DPP10: variants seen among roughly 807,000 people sequenced by gnomAD.
DPP10 encodes inactive dipeptidyl peptidase 10.
Under a neutral mutation model 120.9 loss-of-function variants are expected in DPP10, and 33 were observed. The observed-to-expected ratio is 0.27, with a 90% confidence interval of 0.21 to 0.37. DPP10 has a LOEUF of 0.37. DPP10 is among the 10% of genes least tolerant of loss of function. DPP10 has a pLI of 1.00. For synonymous variants in DPP10, 337 were observed against 326.1 expected (o/e 1.03, Z -0.36); for missense variants, 816 against 942.8 (o/e 0.87, Z 1.76).
Position 115,845,519 on chromosome 2 carries a change from TG to T in DPP10, c.*3177del, listed in dbSNP as rs1379098329. The T allele has an allele frequency of 3.9e-5, 6 of 152,156 alleles. No homozygotes were observed. The highest frequency in any genetic ancestry group is 1.4e-4 in the African/African-American group (6 of 41,430). 9.4% of individuals were successfully genotyped at this position (152,156 alleles called of 1,614,324 possible). On this transcript the variant is annotated 3_prime_UTR_variant, in exon 26 of 26. Coordinates refer to ENST00000410059, the MANE Select transcript of DPP10 (RefSeq NM_020868.6). ...TCTACATGGTCCATGGAAGACTCTG[TG>T]GGCCGCAGAAGCCCATAGCTGCATA...
chr2:115,165,860 A>C (rs1289314553), intron 1 of DPP10, among the ~76,000 whole-genome samples: 1 of 152,204 alleles, frequency 6.6e-6, no homozygotes, highest in African/African-American at 2.4e-5. Flanking sequence ...GAGTATGACT[A>C]AAAAGCATAT....
At chr2:115,527,204 C>T (rs539590200) in intron 5 of DPP10, among the ~76,000 whole-genome samples, 1 of 152,036 alleles carries the variant, frequency 6.6e-6, no homozygotes, top group South Asian at 2.1e-4. Context: ...GAAGAGAGAA[C>T]CCAGAAATAG....
At chr2:115,770,012 G>A (rs1428374635) in intron 13 of DPP10, among the ~76,000 whole-genome samples, 1 of 152,068 alleles carries the variant, frequency 6.6e-6, no homozygotes, top group African/African-American at 2.4e-5. Context: ...GTAAGAGATA[G>A]TGAAGGATAG....
intron 5 of DPP10, among the ~76,000 whole-genome samples, chr2:115,577,289 C>T (rs568246000): frequency 2.0e-5 from 3 of 152,212 alleles, no homozygotes; most frequent in Admixed American, 6.5e-5. Context: ...CCATGTATGG[C>T]GATAAAATGA....
intron 21 of DPP10, among the ~76,000 whole-genome samples, chr2:115,820,799 A>ATGTGTGTGTGTGTG (rs869085100): frequency 6.4e-4 from 68 of 105,598 alleles, no homozygotes; most frequent in Middle Eastern, 5.4e-3. Context: ...TCCATGGTGT[A>ATGTGTGTGTGTGTG]TGTGTGTGTG....
chr2:115,064,756 C>A, intron 1 of DPP10: 1 of 1,304,134 alleles, frequency 7.7e-7, no homozygotes, highest in Non-Finnish European at 1.0e-6. Flanking sequence ...GTCCACTTAG[C>A]AATGGTCATC....
intron 1 of DPP10, among the ~76,000 whole-genome samples, chr2:115,268,411 T>A (rs2105794382): frequency 6.6e-6 from 1 of 152,350 alleles, no homozygotes; most frequent in East Asian, 1.9e-4. Context: ...AATGAACGAA[T>A]GTGTCTTCAG....
chr2:114,741,187 T>TA (rs1678025572), intron 1 of DPP10, among the ~76,000 whole-genome samples: 1 of 152,222 alleles, frequency 6.6e-6, no homozygotes, highest in African/African-American at 2.4e-5. Context: ...CCTGCACTCC[T>TA]ACATCTGTCT....
At chr2:114,917,999 C>A (rs1366129363) in intron 1 of DPP10, among the ~76,000 whole-genome samples, 1 of 152,132 alleles carries the variant, frequency 6.6e-6, no homozygotes, top group Non-Finnish European at 1.5e-5. Flanking sequence ...GCAAAAGAAA[C>A]TATCAACAGC....
chr2:114,695,784 C>T (rs1700034512), intron 1 of DPP10, among the ~76,000 whole-genome samples: 1 of 152,016 alleles, frequency 6.6e-6, no homozygotes, highest in African/African-American at 2.4e-5. Flanking sequence ...ATTTAGAGTA[C>T]TTCATTCAAA....
At chr2:115,153,310 A>T (rs1476424831) in intron 1 of DPP10, among the ~76,000 whole-genome samples, 1 of 152,184 alleles carries the variant, frequency 6.6e-6, no homozygotes, top group Non-Finnish European at 1.5e-5. Flanking sequence ...GGGGCTCCCC[A>T]CAGGGCCCAT....
intron 3 of DPP10, among the ~76,000 whole-genome samples, chr2:115,477,966 C>T (rs1453438932): frequency 2.6e-5 from 4 of 152,102 alleles, no homozygotes; most frequent in Non-Finnish European, 4.4e-5. Flanking sequence ...TGGCATCTCA[C>T]ATTGTGAGCA....
intron 5 of DPP10, among the ~76,000 whole-genome samples, chr2:115,657,692 A>C (rs906411338): frequency 9.9e-5 from 15 of 151,896 alleles, no homozygotes; most frequent in African/African-American, 3.6e-4. Context: ...TGAGCAACCT[A>C]AATGCGTGGA....
At chr2:115,362,469 A>G (rs1220307791) in intron 3 of DPP10, among the ~76,000 whole-genome samples, 1 of 152,172 alleles carries the variant, frequency 6.6e-6, no homozygotes, top group African/African-American at 2.4e-5. Context: ...ACTTATATGT[A>G]TAATAGAAAA....
intron 1 of DPP10, among the ~76,000 whole-genome samples, chr2:115,085,770 T>C (rs1708642736): frequency 6.6e-6 from 1 of 152,234 alleles, no homozygotes; most frequent in South Asian, 2.1e-4. Context: ...AAAATATGTT[T>C]ATGCTAAAAT....
intron 3 of DPP10, among the ~76,000 whole-genome samples, chr2:115,409,853 A>T (rs1385157608): frequency 6.6e-6 from 1 of 152,224 alleles, no homozygotes. Context: ...CAAAATAATA[A>T]CATTCACAGC....
intron 1 of DPP10, among the ~76,000 whole-genome samples, chr2:115,272,976 T>A (rs561279939): frequency 6.6e-6 from 1 of 152,332 alleles, no homozygotes; most frequent in Non-Finnish European, 1.5e-5. Flanking sequence ...ATGCTATTAT[T>A]GCTTAGGTTT....
At chr2:114,965,426 G>A (rs145598597) in intron 1 of DPP10, among the ~76,000 whole-genome samples, 73 of 152,138 alleles carry the variant, frequency 4.8e-4, no homozygotes, top group African/African-American at 1.3e-3. Flanking sequence ...CTGATCCACC[G>A]TGCCTGGCCA....
chr2:115,012,890 G>C (rs1193768528), intron 1 of DPP10, among the ~76,000 whole-genome samples: 2 of 152,090 alleles, frequency 1.3e-5, no homozygotes, highest in African/African-American at 4.8e-5. Context: ...CCAGAGAAAG[G>C]CAAAATCAAA....
Sources: gnomAD v4.1 joint callset for allele counts (sites outside exome capture counted in the v4.1 genomes callset) on GRCh38, gnomAD v4.1.1 for gene constraint, MANE v1.5 for transcripts, NCBI Gene and HGNC (gene_info 2026-07-23, HGNC 2026-07-21) for gene names.